Variants in OR11A1 observed in about 807,000 individuals in gnomAD.
OR11A1 encodes the protein olfactory receptor 11A1.
For synonymous variants in OR11A1, 158 were observed against 152.2 expected (o/e 1.04, Z -0.28); for missense variants, 380 against 378.2 (o/e 1.00, Z -0.04).
intron 1 of OR11A1, among the ~76,000 whole-genome samples, chr6:29,446,834 G>A (rs1784824097): frequency 6.6e-6 from 1 of 152,180 alleles, no homozygotes; most frequent in South Asian, 2.1e-4. Context: ...TAGAGCCAAA[G>A]TAACTGCTGA....
At chr6:29,431,679 A>G (rs1408520930) in intron 2 of OR11A1, among the ~76,000 whole-genome samples, 185 bp downstream of exon 2, 1 of 152,236 alleles carries the variant, frequency 6.6e-6, no homozygotes, top group Non-Finnish European at 1.5e-5. Context: ...AAAGAGCAGC[A>G]CTGGTATTCT....
intron 1 of OR11A1, among the ~76,000 whole-genome samples, chr6:29,435,744 CAT>C (rs2151374114): frequency 6.6e-6 from 1 of 152,316 alleles, no homozygotes; most frequent in African/African-American, 2.4e-5. Context: ...TAGAGATTTA[CAT>C]AGTCTTACCA....
intron 1 of OR11A1, among the ~76,000 whole-genome samples, chr6:29,438,687 A>G (rs2151377867): frequency 6.6e-6 from 1 of 152,352 alleles, no homozygotes; most frequent in South Asian, 2.1e-4. Flanking sequence ...GATTCAAAAT[A>G]ACAGATTAAT....
chr6:29,440,478 G>T, intron 1 of OR11A1: 1 of 1,613,456 alleles, frequency 6.2e-7, no homozygotes, highest in Non-Finnish European at 8.5e-7. Flanking sequence ...GGTGCTGGTG[G>T]GGCTGGGCCA....
At chr6:29,452,509 C>T (rs1785531382) in intron 1 of OR11A1, among the ~76,000 whole-genome samples, 1 of 151,862 alleles carries the variant, frequency 6.6e-6, no homozygotes. Flanking sequence ...TCTGAAAACC[C>T]GCTGAAGTGG....
At chr6:29,454,450 A>G (rs1308291342) in intron 1 of OR11A1, among the ~76,000 whole-genome samples, 1 of 152,164 alleles carries the variant, frequency 6.6e-6, no homozygotes, top group African/African-American at 2.4e-5. Flanking sequence ...AATGACTATA[A>G]TAAGAAACTG....
intron 1 of OR11A1, among the ~76,000 whole-genome samples, chr6:29,447,745 A>C (rs942448074): frequency 6.6e-6 from 1 of 152,198 alleles, no homozygotes; most frequent in African/African-American, 2.4e-5. Context: ...AAATTAGTGA[A>C]ATAAATACTG....
chr6:29,454,177 G>A (rs1202512881), intron 1 of OR11A1, among the ~76,000 whole-genome samples: 1 of 152,074 alleles, frequency 6.6e-6, no homozygotes, highest in African/African-American at 2.4e-5. Context: ...TGCAGTTAAT[G>A]GAAACTGACT....
At position 29,426,921 on chromosome 6, in the gene OR11A1, T is replaced by G; in HGVS notation, c.721A>C (p.Thr241Pro). ...AGASRRRAFSTCSSHLAVVTT... is the reference protein window; with the variant it reads ...AGASRRRAFSPCSSHLAVVTT... ...ACTACAGCTAGGTGGGAGGAGCATG[T>G]GGAGAAAGCCCTTCTCCTGCTTGCC... Residue 241 changes from threonine (T) to proline (P), a missense_variant, in exon 5 of 5, where the codon ACA becomes CCA. Thr to Pro is a conservative substitution (Grantham distance 38). Transcript: ENST00000377149. 6.2e-7 allele frequency: 1 copy of G among 1,613,034 alleles called. No homozygotes were observed. The highest frequency in any genetic ancestry group is 8.5e-7 in the Non-Finnish European group (1 of 1,179,984).
At position 29,426,650 on chromosome 6, in the gene OR11A1, G is replaced by A. The variant is rs2074470; in HGVS notation, c.*44C>T. Reference sequence around the variant, plus strand: ...CCAACCCATCCTGGAAGAGTCCCCAGTGGAGGTGTCCGAAGTCCAAAATAA... The same window carrying A: ...CCAACCCATCCTGGAAGAGTCCCCAATGGAGGTGTCCGAAGTCCAAAATAA... On this transcript the variant is annotated 3_prime_UTR_variant, in exon 5 of 5. Transcript: ENST00000377149. 1,000,712 of 1,491,174 alleles carry A rather than the reference G, an allele frequency of 0.67. 338,739 individuals carry two copies. The highest frequency in any genetic ancestry group is 0.69 in the Non-Finnish European group (752,387 of 1,093,536). 92.4% of individuals were successfully genotyped at this position (1,491,174 alleles called of 1,614,324 possible).
intron 1 of OR11A1, among the ~76,000 whole-genome samples, chr6:29,442,279 C>T (rs1784270786): frequency 6.6e-6 from 1 of 152,148 alleles, no homozygotes; most frequent in African/African-American, 2.4e-5. Flanking sequence ...GAGCCAAAAA[C>T]TACCAAGACA....
chr6:29,452,952 A>G (rs2151405106), intron 1 of OR11A1, among the ~76,000 whole-genome samples: 1 of 151,994 alleles, frequency 6.6e-6, no homozygotes, highest in East Asian at 1.9e-4. Context: ...AACATATGTA[A>G]AGTAAAACAC....
At chr6:29,440,708 G>T in intron 1 of OR11A1, 2 of 1,614,072 alleles carry the variant, frequency 1.2e-6, no homozygotes, top group Non-Finnish European at 1.7e-6. Flanking sequence ...CATCTGTTGC[G>T]GGCCGCCGCA....
chr6:29,445,375 A>C (rs1428375731), intron 1 of OR11A1, among the ~76,000 whole-genome samples: 1 of 152,196 alleles, frequency 6.6e-6, no homozygotes, highest in African/African-American at 2.4e-5. Flanking sequence ...GGAGGGTAGA[A>C]GTCAGATGGA....
In OR11A1 at chr6:29,427,064, G is replaced by A; in HGVS notation, c.578C>T (p.Pro193Leu). The A allele has an allele frequency of 6.2e-7, 1 of 1,612,182 alleles. No homozygotes were observed. The highest frequency in any genetic ancestry group is 8.5e-7 in the Non-Finnish European group (1 of 1,179,990). ...GAGAGTTGTCACCTGAGCCACTCTGGGATCCGAGCAAGCCAGGCCCACGAA... is the reference window on the plus strand; with the variant it reads ...GAGAGTTGTCACCTGAGCCACTCTGAGATCCGAGCAAGCCAGGCCCACGAA... ...MLFVGLACSD[P>L]RVAQVTTLIL... The change falls in exon 5 of 5, where the codon CCC (proline) becomes CTC (leucine). Residue 193 changes from proline to leucine, a missense_variant. By Grantham distance (98) the Pro-to-Leu change is moderately conservative (BLOSUM62 -3). Transcript: ENST00000377149.
At chr6:29,447,862 G>A (rs1214766449) in intron 1 of OR11A1, among the ~76,000 whole-genome samples, 1 of 152,064 alleles carries the variant, frequency 6.6e-6, no homozygotes, top group African/African-American at 2.4e-5. Context: ...CTTGACACTG[G>A]ATATGCATTC....
At chr6:29,441,079 T>C (rs1784151396) in intron 1 of OR11A1, 1 of 652,498 alleles carries the variant, frequency 1.5e-6, no homozygotes, top group Non-Finnish European at 2.6e-6. Flanking sequence ...AAGACAAACT[T>C]ATCTTTGAAA....
intron 1 of OR11A1, among the ~76,000 whole-genome samples, chr6:29,442,316 T>C (rs7765791): frequency 0.059 from 8,933 of 152,200 alleles, 419 homozygotes; most frequent in African/African-American, 0.12. Context: ...AGGGCTATGA[T>C]ATGCAGGAGA....
At chr6:29,428,290 G>C (rs1782993738) in intron 4 of OR11A1, 1 of 985,342 alleles carries the variant, frequency 1.0e-6, no homozygotes, top group African/African-American at 1.7e-5. Flanking sequence ...AAGTCATTCA[G>C]GAGTTGGTAG....
Sources: allele counts gnomAD v4.1 joint callset (sites outside exome capture counted in the v4.1 genomes callset), GRCh38; gene constraint gnomAD v4.1.1; transcripts MANE v1.5; gene names NCBI Gene and HGNC (gene_info 2026-07-23, HGNC 2026-07-21).